RIPOR3: variants seen among roughly 807,000 people sequenced by gnomAD.
RIPOR3 encodes the protein family with sequence similarity 65 member C.
Under a neutral mutation model 114.3 loss-of-function variants are expected in RIPOR3, and 95 were observed. The observed-to-expected ratio is 0.83, with a 90% CI of 0.70 to 0.99. The LOEUF is 0.99. Ranked by LOEUF, RIPOR3 falls within the 50% of genes least tolerant of loss-of-function variation. The pLI, the probability that RIPOR3 is intolerant of heterozygous loss-of-function variation, is 0.00. For missense variants in RIPOR3, 1,252 were observed against 1,266.9 expected, an observed-to-expected ratio of 0.99 and a Z score of 0.18; for synonymous variants, 575 against 543.8, an observed-to-expected ratio of 1.06 and a Z score of -0.80.
chr20:50,616,493 C>T (rs2084177618), intron 3 of RIPOR3, among the ~76,000 whole-genome samples: 1 of 152,062 alleles, frequency 6.6e-6, no homozygotes, highest in South Asian at 2.1e-4. Context: ...CAGGTGTGTG[C>T]CACCACACCT....
At chr20:50,622,527 C>T (rs2084453328) in intron 2 of RIPOR3, among the ~76,000 whole-genome samples, 1 of 152,086 alleles carries the variant, frequency 6.6e-6, no homozygotes, top group Non-Finnish European at 1.5e-5. Context: ...TCTTCCAACT[C>T]CTCCTCTTCC....
At chr20:50,644,403 A>G (rs1343449990) in intron 1 of RIPOR3, among the ~76,000 whole-genome samples, 1 of 152,254 alleles carries the variant, frequency 6.6e-6, no homozygotes, top group Admixed American at 6.5e-5. Flanking sequence ...CAAGGAGCAC[A>G]TGTATACATG....
intron 12 of RIPOR3, among the ~76,000 whole-genome samples, chr20:50,603,749 A>T (rs2083588139): frequency 6.6e-6 from 1 of 152,234 alleles, no homozygotes; most frequent in African/African-American, 2.4e-5. Flanking sequence ...CACAGTGTGA[A>T]TCTGGGTACA....
intron 1 of RIPOR3, among the ~76,000 whole-genome samples, chr20:50,684,394 G>C (rs1467028833): frequency 6.6e-6 from 1 of 152,208 alleles, no homozygotes; most frequent in Non-Finnish European, 1.5e-5. Flanking sequence ...GCAGGACTGT[G>C]CCCGACCTCA....
chr20:50,632,529 T>A (rs375084142), intron 1 of RIPOR3, among the ~76,000 whole-genome samples: 17 of 152,246 alleles, frequency 1.1e-4, no homozygotes, highest in African/African-American at 4.1e-4. Context: ...TGGCAAGCAT[T>A]TGCTGACCAC....
intron 15 of RIPOR3, 118 bp from the exon 16 acceptor site, chr20:50,595,622 G>A (rs2083262098): frequency 1.6e-5 from 22 of 1,395,438 alleles, no homozygotes; most frequent in Non-Finnish European, 2.1e-5. Flanking sequence ...GCAGCTCCCT[G>A]ACTGTCATTT....
chr20:50,594,817 G>T, intron 16 of RIPOR3, 103 bp from the exon 17 acceptor site: 2 of 1,348,812 alleles, frequency 1.5e-6, no homozygotes. Flanking sequence ...TAGGGAGGAG[G>T]GGACGGTGTG....
intron 1 of RIPOR3, among the ~76,000 whole-genome samples, chr20:50,648,817 G>A (rs968148847): frequency 6.6e-6 from 1 of 152,106 alleles, no homozygotes; most frequent in African/African-American, 2.4e-5. Context: ...CGCCTCCACT[G>A]ATCAGACAGG....
At position 50,619,988 on chromosome 20, in the gene RIPOR3, G is replaced by A; in HGVS notation, c.267C>T (p.Leu89=). 5.0e-6 allele frequency: 8 copies of A among 1,611,612 alleles called. No individual in the cohort carries two copies. The highest frequency in any genetic ancestry group is 6.8e-6 in the Non-Finnish European group (8 of 1,177,916). ...GGCAGCACACAGCCCAGCCTTACTT[G>A]AGGCCTCTTTTCAATGCTTCGAAGA... The part of the protein sequence containing the change: ...KKIFEALKRG[L]KEYLCVQQAE... Residue 89 remains leucine (L), a splice_region_variant and synonymous_variant, in exon 3 of 22, where the codon CTC becomes CTT. Transcript: ENST00000327979.
intron 13 of RIPOR3, among the ~76,000 whole-genome samples, chr20:50,601,112 C>T (rs776315509): frequency 4.6e-5 from 7 of 152,138 alleles, no homozygotes; most frequent in African/African-American, 9.7e-5. Flanking sequence ...ATGGGCCTGC[C>T]GGGGCCAGGT....
At chr20:50,621,065 C>A in intron 2 of RIPOR3, 1 of 419,644 alleles carries the variant, frequency 2.4e-6, no homozygotes, top group Non-Finnish European at 4.6e-6. Context: ...AAGCCACTGC[C>A]AGGAAAGACT....
chr20:50,645,334 T>C (rs1404156283), intron 1 of RIPOR3: 1 of 152,268 alleles, frequency 6.6e-6, no homozygotes, highest in Non-Finnish European at 1.5e-5. Flanking sequence ...GCTCATGTCA[T>C]AGGACAGAGC....
Position 50,609,965 on chromosome 20 carries a change from T to A in RIPOR3, c.427-243A>T, listed in dbSNP as rs1338408825. ...ACCTGCCTCACCTGCCACCACTGCC[T>A]CACCTGCCACCCCTACCACCCCTGC... is the stretch of plus-strand genomic sequence containing the variant. On this transcript the variant is annotated intron_variant, in intron 6 of 21. Coordinates refer to ENST00000327979, the MANE Select transcript of RIPOR3 (RefSeq NM_001290268.2). 1.2e-3 allele frequency among the ~76,000 whole-genome samples: 144 copies of A among 118,422 alleles called. 5 individuals carry two copies. The highest frequency in any genetic ancestry group is 2.4e-3 in the South Asian group (8 of 3,282). The allele number at this position is 118,422 out of a possible 152,430, so 77.7% of individuals were successfully genotyped here. A position where few individuals can be genotyped will look rare whatever the true frequency, so the allele number is the denominator to read the frequency against.
intron 11 of RIPOR3, among the ~76,000 whole-genome samples, chr20:50,607,954 G>A (rs1371579074): frequency 6.6e-6 from 1 of 152,186 alleles, no homozygotes; most frequent in African/African-American, 2.4e-5. Flanking sequence ...GTGATCTCAT[G>A]GACATGGGCT....
Position 50,587,699 on chromosome 20 carries a change from C to T in RIPOR3, c.2752+103G>A, listed in dbSNP as rs937872909. 4.5e-6 allele frequency: 5 copies of T among 1,108,338 alleles called. No homozygotes were observed. The African/African-American group carries it at 4.6e-5, about 10-fold the overall frequency. 68.7% of individuals were successfully genotyped at this position (1,108,338 alleles called of 1,614,324 possible). A position where few individuals can be genotyped will look rare whatever the true frequency, so the allele number is the denominator to read the frequency against. ...CTGCTAACGGTGCCCATCCCAGGTGCCCCAGAGTTGTTCTGCCTGCTGGGA... is the reference window on the plus strand; with the variant it reads ...CTGCTAACGGTGCCCATCCCAGGTGTCCCAGAGTTGTTCTGCCTGCTGGGA... On this transcript the variant is annotated intron_variant, in intron 21 of 21. Transcript: ENST00000327979.
At chr20:50,670,438 A>G (rs1364454729) in intron 1 of RIPOR3, among the ~76,000 whole-genome samples, 4 of 149,638 alleles carry the variant, frequency 2.7e-5, no homozygotes, top group African/African-American at 7.4e-5. Flanking sequence ...GAGACCAAGC[A>G]TTACCTAAAG....
intron 20 of RIPOR3, among the ~76,000 whole-genome samples, chr20:50,589,017 G>T (rs1214038524): frequency 1.4e-5 from 2 of 141,484 alleles, no homozygotes; most frequent in South Asian, 2.4e-4. Context: ...AGAAGGCAGA[G>T]CTTGCAGTGA....
chr20:50,626,880 G>A (rs1440956770), intron 2 of RIPOR3, among the ~76,000 whole-genome samples: 2 of 151,808 alleles, frequency 1.3e-5, no homozygotes, highest in East Asian at 2.0e-4. Context: ...TGGGCATGGT[G>A]GCACATGCCT....
chr20:50,674,954 T>TA (rs1406177981), intron 1 of RIPOR3, among the ~76,000 whole-genome samples: 3 of 151,830 alleles, frequency 2.0e-5, no homozygotes, highest in Non-Finnish European at 2.9e-5. Flanking sequence ...AAATTAAACT[T>TA]AAAAAATTTA....
Sources: gnomAD v4.1 joint callset for allele counts (sites outside exome capture counted in the v4.1 genomes callset) on GRCh38, gnomAD v4.1.1 for gene constraint, MANE v1.5 for transcripts, NCBI Gene and HGNC (gene_info 2026-07-23, HGNC 2026-07-21) for gene names.